ZNF385D: variants seen among roughly 807,000 people sequenced by gnomAD.
ZNF385D encodes zinc finger protein 659.
Under a neutral mutation model 35.8 loss-of-function variants are expected in ZNF385D, and 15 were observed. That is an observed-to-expected ratio of 0.42 (90% CI 0.28 to 0.64). The LOEUF is 0.64. Among genes scored for constraint, ZNF385D ranks in the 30% least tolerant of loss-of-function variants. ZNF385D has a pLI of 0.23. For synonymous variants in ZNF385D, 212 were observed against 186.8 expected (o/e 1.13, Z -1.10); for missense variants, 474 against 494.6 (o/e 0.96, Z 0.39).
intron 1 of ZNF385D, among the ~76,000 whole-genome samples, chr3:21,729,347 C>T (rs2125479837): frequency 6.6e-6 from 1 of 152,234 alleles, no homozygotes; most frequent in South Asian, 2.1e-4. Context: ...CTAAAAGGCC[C>T]TCATTCAAGC....
intron 3 of ZNF385D, among the ~76,000 whole-genome samples, chr3:22,040,031 A>G (rs970269327): frequency 6.6e-5 from 10 of 152,122 alleles, no homozygotes; most frequent in Admixed American, 5.9e-4. Flanking sequence ...CGTTGCCTCA[A>G]CCTGGCCATG....
chr3:21,827,296 C>A (rs1161191443), intron 3 of ZNF385D, among the ~76,000 whole-genome samples: 1 of 152,024 alleles, frequency 6.6e-6, no homozygotes, highest in Admixed American at 6.5e-5. Context: ...TATATTAATG[C>A]ATCTTTAATA....
chr3:21,933,902 G>C (rs1338139237), intron 3 of ZNF385D, among the ~76,000 whole-genome samples: 1 of 151,548 alleles, frequency 6.6e-6, no homozygotes, highest in Non-Finnish European at 1.5e-5. Flanking sequence ...AGACTGCCAG[G>C]AACATTGGAT....
intron 2 of ZNF385D, among the ~76,000 whole-genome samples, chr3:22,242,090 G>C (rs943768887): frequency 6.6e-6 from 1 of 150,576 alleles, no homozygotes; most frequent in Non-Finnish European, 1.5e-5. Context: ...TGGGGGAAGG[G>C]GGGAGGGATA....
intron 2 of ZNF385D, among the ~76,000 whole-genome samples, chr3:22,177,019 A>T (rs940918125): frequency 6.6e-6 from 1 of 152,120 alleles, no homozygotes; most frequent in Non-Finnish European, 1.5e-5. Flanking sequence ...ACAGTACACA[A>T]ATCTTTTCCT....
intron 2 of ZNF385D, among the ~76,000 whole-genome samples, chr3:22,340,096 T>G (rs1695356089): frequency 6.6e-6 from 1 of 152,224 alleles, no homozygotes; most frequent in Non-Finnish European, 1.5e-5. Flanking sequence ...ATACATTAAG[T>G]ATTATCCATG....
Position 22,107,233 on chromosome 3 carries a change from G to C in ZNF385D, c.325+61584C>G, listed in dbSNP as rs550073976. Among the ~76,000 whole-genome samples the C allele has an allele frequency of 2.0e-5, 3 of 151,850 alleles. No individual in the cohort carries two copies. In the South Asian group the frequency reaches 6.2e-4, roughly 32 times the overall value. On this transcript the variant is annotated intron_variant, in intron 3 of 5. Coordinates refer to the ZNF385D transcript ENST00000494108. ...AGACAGGGTTTCTCCATGTTGTTCA[G>C]GCTGGTCTCGAACTCCCGACCTCAG...
chr3:22,343,392 G>A lies in ZNF385D; in HGVS notation c.106+29058C>T, dbSNP rs1377045861. Among the ~76,000 whole-genome samples, 3 of 152,204 alleles carry A rather than the reference G, an allele frequency of 2.0e-5. No homozygotes were observed. The East Asian group carries it at 5.8e-4, about 29-fold the overall frequency. Reference sequence around the variant, plus strand: ...ATTTCCAGGACCAAGAGTTGAACAAGTGACTTCAGTTCAGCCAGCCAGAGA... The same window carrying A: ...ATTTCCAGGACCAAGAGTTGAACAAATGACTTCAGTTCAGCCAGCCAGAGA... On this transcript the variant is annotated intron_variant, in intron 2 of 5. Transcript: ENST00000494108.
intron 1 of ZNF385D, among the ~76,000 whole-genome samples, chr3:21,716,171 C>T (rs943911609): frequency 6.6e-6 from 1 of 152,052 alleles, no homozygotes; most frequent in African/African-American, 2.4e-5. Context: ...CACCATCAAG[C>T]CTCATCTGAA....
chr3:21,624,899 T>C (rs1389000458), intron 2 of ZNF385D, among the ~76,000 whole-genome samples: 3 of 152,050 alleles, frequency 2.0e-5, no homozygotes, highest in African/African-American at 7.2e-5. Flanking sequence ...CTTAGAGTGA[T>C]CTGCCAAACC....
chr3:22,178,270 T>G (rs555208643), intron 2 of ZNF385D, among the ~76,000 whole-genome samples: 90 of 152,204 alleles, frequency 5.9e-4, no homozygotes, highest in Admixed American at 3.3e-3. Flanking sequence ...TTTTAATGAT[T>G]GCCATTCTAA....
At chr3:22,359,044 TAAAA>T (rs1290247409) in intron 2 of ZNF385D, among the ~76,000 whole-genome samples, 5 of 115,082 alleles carry the variant, frequency 4.3e-5, no homozygotes, top group Non-Finnish European at 7.4e-5. Context: ...CTACCCGTAT[TAAAA>T]CAAACAAACA....
chr3:21,459,745 GC>G (rs1703049082), intron 4 of ZNF385D, among the ~76,000 whole-genome samples: 1 of 152,082 alleles, frequency 6.6e-6, no homozygotes, highest in South Asian at 2.1e-4. Context: ...CTATTATGTT[GC>G]TTGATGAAAA....
chr3:22,371,638 C>G (rs12495442), intron 2 of ZNF385D, among the ~76,000 whole-genome samples: 8,683 of 152,210 alleles, frequency 0.057, 349 homozygotes, highest in African/African-American at 0.095. Context: ...TCCTCTGACC[C>G]AAATTCATAC....
In ZNF385D at chr3:21,633,059, T is replaced by C. The variant is rs564075328; in HGVS notation, c.165+31827A>G. Among the ~76,000 whole-genome samples, 282 of 152,250 alleles carry C rather than the reference T, an allele frequency of 1.9e-3. 2 individuals are homozygous for C. Among genetic ancestry groups the C allele is most frequent in the African/African-American group, 5.9e-3 (247 of 41,590 alleles). On this transcript the variant is annotated intron_variant, in intron 2 of 7. Transcript: ENST00000281523. ...CTTGAAATGAAAATGCACAAAAGTC[T>C]AAAATTTGGTATATTCTAGAGATTT...
At chr3:21,756,320 T>C (rs370926287) in intron 3 of ZNF385D, among the ~76,000 whole-genome samples, 2 of 152,076 alleles carry the variant, frequency 1.3e-5, no homozygotes. Flanking sequence ...AGTAGTGGAG[T>C]ATTCACAATT....
Position 21,421,632 on chromosome 3 carries a change from G to T in ZNF385D, c.955-185C>A, listed in dbSNP as rs1700744248. Among the ~76,000 whole-genome samples the T allele has an allele frequency of 2.0e-5, 3 of 152,186 alleles. No homozygotes were observed. The South Asian group carries it at 6.2e-4, about 32-fold the overall frequency. On this transcript the variant is annotated intron_variant, in intron 7 of 7. Coordinates refer to ENST00000281523, the MANE Select transcript of ZNF385D (RefSeq NM_024697.3). ...CATTTTCCCTTTGGAAGAGTTGGAA[G>T]ATACCTGAAAATGGCCAACCGGGAA...
chr3:21,615,123 A>G (rs978234074), intron 2 of ZNF385D, among the ~76,000 whole-genome samples: 2 of 152,202 alleles, frequency 1.3e-5, no homozygotes, highest in African/African-American at 4.8e-5. Context: ...GGTGGGGCCT[A>G]GTGGGAGGTC....
chr3:21,427,175 G>T (rs1701059433), intron 5 of ZNF385D, among the ~76,000 whole-genome samples: 1 of 152,118 alleles, frequency 6.6e-6, no homozygotes, highest in Admixed American at 6.6e-5. Context: ...AGCTGAAGAT[G>T]ACATAAGTGG....
Sources: allele counts gnomAD v4.1 joint callset (sites outside exome capture counted in the v4.1 genomes callset), GRCh38; gene constraint gnomAD v4.1.1; transcripts MANE v1.5; gene names NCBI Gene and HGNC (gene_info 2026-07-23, HGNC 2026-07-21).